RREB1: variants seen among roughly 807,000 people sequenced by gnomAD.
The protein encoded by RREB1 is ras responsive element binding protein 1, also known as ras-responsive element-binding protein 1.
A neutral mutation model predicts 117.8 loss-of-function variants in RREB1; 27 were observed. The ratio of observed to expected loss-of-function variants is 0.23; its 90% CI spans 0.17 to 0.32. The LOEUF is 0.32. RREB1 is among the 10% of genes least tolerant of loss of function. The probability of loss-of-function intolerance (pLI) is 1.00; values close to 1 mark genes in which losing one functional copy is unlikely to be tolerated. For missense variants in RREB1, 2,577 were observed against 2,378.2 expected (o/e 1.08, Z -1.74); for synonymous variants, 1,298 against 1,026.7 (o/e 1.26, Z -5.05).
chr6:7,139,679 T>C (rs530318919), intron 1 of RREB1, among the ~76,000 whole-genome samples: 3 of 152,184 alleles, frequency 2.0e-5, no homozygotes, highest in Non-Finnish European at 4.4e-5. Context: ...CAGATTTAAG[T>C]TCTGTAAAAA....
At chr6:7,200,151 A>G (rs142798594) in intron 6 of RREB1, among the ~76,000 whole-genome samples, 1 of 151,036 alleles carries the variant, frequency 6.6e-6, no homozygotes, top group African/African-American at 2.4e-5. Flanking sequence ...CTTTTCTAAT[A>G]CCCTTTAACA....
Position 7,231,006 on chromosome 6 carries a change from C to T in RREB1, c.2907C>T (p.Pro969=). The part of the protein sequence containing the change: ...PEEEAGSSEQ[P]SPCPAPGPSL... The stretch of plus-strand genomic sequence containing the variant: ...AGGAGGCGGGGAGCAGCGAGCAGCC[C>T]TCTCCCTGCCCAGCACCCGGCCCTT... Residue 969 remains proline, a synonymous_variant, in exon 10 of 13, where the codon CCC becomes CCT. Transcript: ENST00000379938. 6.2e-7 allele frequency: 1 copy of T among 1,614,166 alleles called. No homozygotes were observed. Among genetic ancestry groups the T allele is most frequent in the Non-Finnish European group, 8.5e-7 (1 of 1,180,022 alleles).
chr6:7,193,953 GA>G (rs67959921), intron 6 of RREB1, among the ~76,000 whole-genome samples: 16,028 of 151,996 alleles, frequency 0.11, 1,720 homozygotes, highest in African/African-American at 0.26. Flanking sequence ...TTGCATATTA[GA>G]AAAAAAGCAC....
chr6:7,140,276 C>A (rs923282918), intron 1 of RREB1, among the ~76,000 whole-genome samples: 2 of 152,132 alleles, frequency 1.3e-5, no homozygotes. Context: ...TTATTCAGGG[C>A]TGCCTTCTAG....
At chr6:7,238,528 C>T (rs1429105769) in intron 10 of RREB1, among the ~76,000 whole-genome samples, 1 of 152,190 alleles carries the variant, frequency 6.6e-6, no homozygotes, top group Non-Finnish European at 1.5e-5. Context: ...TGAGCCACCG[C>T]ACATGACCAC....
chr6:7,220,587 G>A (rs913696440), intron 8 of RREB1, among the ~76,000 whole-genome samples: 1 of 152,162 alleles, frequency 6.6e-6, no homozygotes, highest in African/African-American at 2.4e-5. Flanking sequence ...GTTTCCATTT[G>A]GAAAAGTTAT....
chr6:7,204,126 C>T (rs992141556), intron 6 of RREB1, among the ~76,000 whole-genome samples: 1 of 152,220 alleles, frequency 6.6e-6, no homozygotes, highest in African/African-American at 2.4e-5. Context: ...CTTTGGAGGT[C>T]AGCACAGGTG....
intron 6 of RREB1, among the ~76,000 whole-genome samples, chr6:7,190,919 C>A (rs1438095818): frequency 6.6e-6 from 1 of 152,224 alleles, no homozygotes; most frequent in Admixed American, 6.5e-5. Flanking sequence ...GGGCCAGCTC[C>A]AAGTTGGCAG....
rs764046463 is a variant in RREB1, at chr6:7,240,433, T to C, written c.3809-5T>C. On this transcript the variant is annotated splice_polypyrimidine_tract_variant and splice_region_variant and intron_variant, in intron 10 of 12. Transcript: ENST00000379938. ...GATAAATATATATTTTTTTTCCTGC[T>C]TCAGGTCAGAAACCCTTCCCTTGTC... 13 of 1,606,662 alleles carry C rather than the reference T, an allele frequency of 8.1e-6. No homozygotes were observed. In the Admixed American group the frequency reaches 1.4e-4, roughly 17 times the overall value.
chr6:7,172,627 G>T (rs1333351358), intron 1 of RREB1, among the ~76,000 whole-genome samples: 2 of 152,036 alleles, frequency 1.3e-5, no homozygotes, highest in East Asian at 1.9e-4. Context: ...GTGCCCCATG[G>T]TGTAGGGGCC....
In RREB1 at chr6:7,246,669, G is replaced by A. The variant is rs139779575; in HGVS notation, c.4219G>A (p.Glu1407Lys). The A allele has an allele frequency of 1.4e-4, 225 of 1,580,926 alleles. No homozygotes were observed. The highest frequency in any genetic ancestry group is 1.8e-4 in the Non-Finnish European group (208 of 1,163,772). The change falls in exon 12 of 13, where the codon GAA (glutamate) becomes AAA (lysine). Residue 1407 changes from glutamate (E) to lysine (K), a missense_variant. Physicochemically the swap from Glu to Lys is moderately conservative, Grantham distance 56 (BLOSUM62 1). Coordinates refer to ENST00000379938, the MANE Select transcript of RREB1 (RefSeq NM_001003699.4). ...GAGCACTGGGGACGCCGACGGCGCG[G>A]AAGAGGACGCGTCGAGCAACCAGAG... ...EESTGDADGA[E>K]EDASSNQSLD... is the part of the protein sequence containing the mutation.
intron 1 of RREB1, among the ~76,000 whole-genome samples, chr6:7,144,480 A>G (rs181829709): frequency 3.2e-4 from 48 of 152,360 alleles, no homozygotes; most frequent in Middle Eastern, 3.4e-3. Context: ...CTCTTGAAAC[A>G]TGGTCTTATC....
In RREB1 at chr6:7,249,450, C is replaced by T. The variant is rs1470346733; in HGVS notation, c.*482C>T. 2 of 155,570 alleles carry T rather than the reference C, an allele frequency of 1.3e-5. No individual in the cohort carries two copies. Among genetic ancestry groups the T allele is most frequent in the South Asian group, 2.1e-4 (1 of 4,852 alleles). 9.6% of individuals were successfully genotyped at this position (155,570 alleles called of 1,614,324 possible). On this transcript the variant is annotated 3_prime_UTR_variant, in exon 13 of 13. Coordinates refer to ENST00000379938, the MANE Select transcript of RREB1 (RefSeq NM_001003699.4). ...AACTGGAAGAAAATGATGTGAATTTCATGTAAATGACCAGAGGAAAGATGG... is the reference window on the plus strand; with the variant it reads ...AACTGGAAGAAAATGATGTGAATTTTATGTAAATGACCAGAGGAAAGATGG...
rs768352185 is a variant in RREB1, at chr6:7,231,382, G to A, written c.3283G>A (p.Gly1095Ser). ...GGCGGACCCAGGGCCCGCAAGCACT[G>A]GCAGTAACACCACGGCTTCAGACAG... ...KVADPGPAST[G>S]SNTTASDSLG... is the part of the protein sequence containing the mutation. Residue 1095 changes from glycine to serine, a missense_variant, in exon 10 of 13, where the codon GGC (glycine) becomes AGC (serine). Coordinates refer to ENST00000379938, the MANE Select transcript of RREB1 (RefSeq NM_001003699.4). The A allele has an allele frequency of 3.7e-6, 6 of 1,613,582 alleles. No individual in the cohort carries two copies. Among genetic ancestry groups the A allele is most frequent in the Non-Finnish European group, 5.1e-6 (6 of 1,179,944 alleles).
intron 6 of RREB1, among the ~76,000 whole-genome samples, chr6:7,190,903 C>T (rs1765368705): frequency 6.6e-6 from 1 of 152,220 alleles, no homozygotes; most frequent in South Asian, 2.1e-4. Context: ...CAGTGGAACT[C>T]CCCATGGGCC....
chr6:7,119,468 C>T lies in RREB1; in HGVS notation c.-285+11408C>T, dbSNP rs547947952. ...GGAGGAGTGAAAGATGCTGGGAGGC[C>T]GGTCAAGGAAGGCACCTTGTGGAAG... On this transcript the variant is annotated intron_variant, in intron 1 of 12. Transcript: ENST00000379938. Among the ~76,000 whole-genome samples, 17 of 152,120 alleles carry T rather than the reference C, an allele frequency of 1.1e-4. No individual in the cohort carries two copies. In the South Asian group the frequency reaches 2.5e-3, roughly 22 times the overall value.
At chr6:7,171,579 C>A (rs1490561603) in intron 1 of RREB1, among the ~76,000 whole-genome samples, 1 of 152,190 alleles carries the variant, frequency 6.6e-6, no homozygotes, top group Non-Finnish European at 1.5e-5. Flanking sequence ...TCCCTCTCAA[C>A]CTTTGTCTTT....
intron 1 of RREB1, among the ~76,000 whole-genome samples, chr6:7,122,804 A>C (rs1761733679): frequency 6.6e-6 from 1 of 150,442 alleles, no homozygotes; most frequent in Non-Finnish European, 1.5e-5. Flanking sequence ...GTCAAATGAG[A>C]AGTGTGTTAT....
Position 7,189,141 on chromosome 6 carries a change from G to T in RREB1, c.262-18G>T. The T allele has an allele frequency of 1.2e-6, 2 of 1,608,482 alleles. No individual in the cohort carries two copies. Among genetic ancestry groups the T allele is most frequent in the South Asian group, 2.2e-5 (2 of 90,668 alleles). ...ATGCACTTTCTTAAGTGACCGCTGT[G>T]ACCATTGCTTTCTGCAGCACAACAC... On this transcript the variant is annotated intron_variant, in intron 5 of 12. Transcript: ENST00000379938.
Sources: gnomAD v4.1 joint callset for allele counts (sites outside exome capture counted in the v4.1 genomes callset) on GRCh38, gnomAD v4.1.1 for gene constraint, MANE v1.5 for transcripts, NCBI Gene and HGNC (gene_info 2026-07-23, HGNC 2026-07-21) for gene names.